XPA: variants seen among roughly 807,000 people sequenced by gnomAD.
XPA encodes XPA, DNA damage recognition and repair factor, also known as DNA repair protein complementing XP-A cells.
In XPA, 27 loss-of-function variants were observed where a neutral mutation model predicts 35.7. The ratio of observed to expected loss-of-function variants is 0.76; its 90% CI spans 0.56 to 1.04. The LOEUF is 1.04. Ranked by LOEUF, XPA falls within the 50% of genes least tolerant of loss-of-function variation. The pLI is 0.00. For synonymous variants in XPA, 133 were observed against 118.4 expected (o/e 1.12, Z -0.80); for missense variants, 354 against 342.7 (o/e 1.03, Z -0.26).
intron 1 of XPA, 26 bp downstream of exon 1, chr9:97,697,095 G>A (rs963523092): frequency 3.9e-6 from 6 of 1,521,376 alleles, no homozygotes; most frequent in Non-Finnish European, 5.3e-6. Flanking sequence ...GGAGAGGGAA[G>A]GGGAAAGCGC....
chr9:97,660,742 C>G, the XPA span, among the ~76,000 whole-genome samples: 1 of 152,098 alleles, frequency 6.6e-6, no homozygotes. Flanking sequence ...AGAATTGTCC[C>G]TTTTTAGGTG....
chr9:97,672,718 C>T, downstream of XPA: 1 of 179,444 alleles, frequency 5.6e-6, no homozygotes, highest in Non-Finnish European at 1.1e-5. Context: ...CTTCCTCAGC[C>T]TGCTCAACGT....
chr9:97,682,861 C>G (rs1828588123), intron 5 of XPA, among the ~76,000 whole-genome samples: 1 of 152,042 alleles, frequency 6.6e-6, no homozygotes, highest in South Asian at 2.1e-4. Flanking sequence ...TTTAAGAGTT[C>G]TGTTCATACT....
At chr9:97,691,650 T>G (rs879334331) in intron 2 of XPA, among the ~76,000 whole-genome samples, 1 of 151,828 alleles carries the variant, frequency 6.6e-6, no homozygotes, top group Non-Finnish European at 1.5e-5. Flanking sequence ...GAGGTGGAGG[T>G]TGCAGCAAGC....
At chr9:97,679,477 A>G (rs896028331) in intron 5 of XPA, among the ~76,000 whole-genome samples, 1 of 152,236 alleles carries the variant, frequency 6.6e-6, no homozygotes, top group Non-Finnish European at 1.5e-5. Flanking sequence ...TTTCAACACC[A>G]AAATGAATCA....
intron 5 of XPA, among the ~76,000 whole-genome samples, chr9:97,684,076 T>G (rs1273470835): frequency 6.6e-6 from 1 of 152,226 alleles, no homozygotes; most frequent in Admixed American, 6.5e-5. Flanking sequence ...GATTCTGTGA[T>G]AGAGCACAAA....
the XPA span, chr9:97,664,583 G>A: frequency 5.9e-5 from 33 of 561,620 alleles, no homozygotes; most frequent in Non-Finnish European, 8.2e-5. Flanking sequence ...ATTGGACATG[G>A]CAAAAATTCC....
intron 1 of XPA, among the ~76,000 whole-genome samples, chr9:97,695,087 C>T (rs1384688035): frequency 6.6e-6 from 1 of 152,062 alleles, no homozygotes; most frequent in African/African-American, 2.4e-5. Context: ...GAGTGGACAC[C>T]GACTAGGAAG....
chr9:97,656,194 C>A, the XPA span: 1 of 877,136 alleles, frequency 1.1e-6, no homozygotes, highest in Non-Finnish European at 1.8e-6. Flanking sequence ...ACTTACTCAT[C>A]TTCCATCCCA....
At chr9:97,669,921 C>T, downstream of XPA, 1 of 579,872 alleles carries the variant, frequency 1.7e-6, no homozygotes, top group Non-Finnish European at 3.1e-6. Flanking sequence ...CCCAACAACC[C>T]CCCGCCCCAC....
chr9:97,668,735 A>T, the XPA span: 30 of 1,221,282 alleles, frequency 2.5e-5, no homozygotes, highest in Non-Finnish European at 3.1e-5. Flanking sequence ...CTTTCACTAT[A>T]GAATATAAGT....
At chr9:97,667,407 T>C in the XPA span, among the ~76,000 whole-genome samples, 3 of 152,142 alleles carry the variant, frequency 2.0e-5, no homozygotes, top group Admixed American at 6.5e-5. Context: ...ATATTTACCA[T>C]AGTAGAAGGT....
intron 5 of XPA, among the ~76,000 whole-genome samples, chr9:97,677,807 A>T (rs924826547): frequency 6.6e-6 from 1 of 152,028 alleles, no homozygotes; most frequent in Non-Finnish European, 1.5e-5. Flanking sequence ...TGGAGCAAGC[A>T]AGCATCCATA....
chr9:97,684,791 T>A (rs576177505), intron 5 of XPA, 132 bp downstream of exon 5: 14 of 826,202 alleles, frequency 1.7e-5, no homozygotes, highest in Non-Finnish European at 2.9e-5. Flanking sequence ...GGGCAAACTG[T>A]AAGTCATTTT....
intron 1 of XPA, among the ~76,000 whole-genome samples, chr9:97,696,687 C>G (rs1306751493): frequency 6.6e-6 from 1 of 152,198 alleles, no homozygotes; most frequent in Non-Finnish European, 1.5e-5. Context: ...AAAGCTCTCC[C>G]TAACAAACAC....
intron 1 of XPA, among the ~76,000 whole-genome samples, chr9:97,694,381 G>T (rs145738470): frequency 5.1e-4 from 77 of 152,270 alleles, no homozygotes; most frequent in African/African-American, 1.8e-3. Flanking sequence ...TCTGACAAAG[G>T]ACTCACATTC....
In XPA at chr9:97,675,504, C is replaced by A; in HGVS notation, c.757G>T (p.Glu253Ter). The change falls in exon 6 of 6, where the codon GAA (glutamate) becomes TAA (stop). Residue 253 changes from glutamate to a stop codon, truncating the protein, a stop_gained. Transcript: ENST00000375128. LOFTEE classifies it high-confidence loss of function. ...QHEYGPEENL[E>*]DDMYRKTCTM... Reference sequence around the variant, plus strand: ...CAAGTCTTACGGTACATGTCATCTTCTAGGTTTTCTTCTGGTCCATACTCA... The same window carrying A: ...CAAGTCTTACGGTACATGTCATCTTATAGGTTTTCTTCTGGTCCATACTCA... 6.2e-7 allele frequency: 1 copy of A among 1,613,970 alleles called. No homozygotes were observed. Among genetic ancestry groups the A allele is most frequent in the Non-Finnish European group, 8.5e-7 (1 of 1,179,966 alleles).
chr9:97,657,310 A>C, the XPA span, among the ~76,000 whole-genome samples: 1 of 152,168 alleles, frequency 6.6e-6, no homozygotes, highest in African/African-American at 2.4e-5. Context: ...TTGAGTTGTC[A>C]TTCTCTTCAG....
At chr9:97,666,639 C>G in the XPA span, 2 of 583,052 alleles carry the variant, frequency 3.4e-6, no homozygotes, top group Non-Finnish European at 5.9e-6. Context: ...AGAAAGATGA[C>G]TAATTCAGCC....
Sources: gnomAD v4.1 joint callset for allele counts (sites outside exome capture counted in the v4.1 genomes callset) on GRCh38, gnomAD v4.1.1 for gene constraint, MANE v1.5 for transcripts, NCBI Gene and HGNC (gene_info 2026-07-23, HGNC 2026-07-21) for gene names.